The following CSMD1 variants were observed in gnomAD, a reference collection of about 807,000 sequenced individuals.
The protein encoded by CSMD1 is CUB and Sushi multiple domains 1.
Under a neutral mutation model 417.5 loss-of-function variants are expected in CSMD1, and 213 were observed. The observed-to-expected ratio is 0.51, with a 90% CI of 0.46 to 0.57. CSMD1 has a LOEUF of 0.57. CSMD1 is among the 20% of genes least tolerant of loss of function. The probability of loss-of-function intolerance (pLI) is 0.00; values close to 1 mark genes in which losing one functional copy is unlikely to be tolerated. For synonymous variants in CSMD1, 2,862 were observed against 1,736.8 expected, an observed-to-expected ratio of 1.65 and a Z score of -16.11; for missense variants, 6,923 against 4,529.7, an observed-to-expected ratio of 1.53 and a Z score of -15.17.
intron 69 of CSMD1, among the ~76,000 whole-genome samples, chr8:2,940,625 G>T (rs650334): frequency 0.011 from 1,671 of 152,298 alleles, 26 homozygotes; most frequent in African/African-American, 0.038. Flanking sequence ...ACTAAAACTG[G>T]TGTGTATGTT....
chr8:4,649,499 C>T (rs1287969488), intron 1 of CSMD1, among the ~76,000 whole-genome samples: 3 of 152,276 alleles, frequency 2.0e-5, no homozygotes, highest in African/African-American at 4.8e-5. Context: ...GGTATAAACC[C>T]ACGTGAGTAG....
intron 1 of CSMD1, among the ~76,000 whole-genome samples, chr8:4,715,221 T>C (rs1008333844): frequency 2.0e-5 from 3 of 152,200 alleles, no homozygotes; most frequent in African/African-American, 7.2e-5. Context: ...TGTCTGAGTG[T>C]TTTTATGAAT....
chr8:4,424,263 C>G (rs1272636886), intron 2 of CSMD1, among the ~76,000 whole-genome samples: 2 of 151,878 alleles, frequency 1.3e-5, no homozygotes, highest in African/African-American at 4.8e-5. Context: ...ATGCTGCAGA[C>G]TGGGAAAACA....
intron 1 of CSMD1, among the ~76,000 whole-genome samples, chr8:4,702,109 G>T (rs1807597019): frequency 6.6e-6 from 1 of 152,156 alleles, no homozygotes; most frequent in South Asian, 2.1e-4. Context: ...AGCCTGTCAG[G>T]GATGAGGTGG....
At chr8:3,661,513 T>A (rs931964630) in intron 7 of CSMD1, among the ~76,000 whole-genome samples, 1 of 152,076 alleles carries the variant, frequency 6.6e-6, no homozygotes, top group Non-Finnish European at 1.5e-5. Flanking sequence ...TTTTTCTTTT[T>A]TGAGACTGAG....
intron 2 of CSMD1, among the ~76,000 whole-genome samples, chr8:4,433,523 C>A (rs530335784): frequency 5.3e-5 from 8 of 152,150 alleles, no homozygotes; most frequent in African/African-American, 1.4e-4. Context: ...AGCCCCAGAT[C>A]CCCCTGCCGG....
intron 7 of CSMD1, among the ~76,000 whole-genome samples, chr8:3,704,044 C>G (rs923951630): frequency 7.9e-5 from 12 of 152,156 alleles, no homozygotes; most frequent in African/African-American, 2.9e-4. Flanking sequence ...GCACTCCAAC[C>G]TGGGTGTCAG....
chr8:4,327,131 C>A (rs1799604429), intron 3 of CSMD1, among the ~76,000 whole-genome samples: 1 of 152,122 alleles, frequency 6.6e-6, no homozygotes. Context: ...TATCTGTTAT[C>A]ATTGACAAGG....
At chr8:3,473,455 T>C (rs954197131) in intron 11 of CSMD1, among the ~76,000 whole-genome samples, 1 of 152,212 alleles carries the variant, frequency 6.6e-6, no homozygotes, top group Non-Finnish European at 1.5e-5. Flanking sequence ...TATGTTATTT[T>C]ATAATTATTT....
intron 12 of CSMD1, among the ~76,000 whole-genome samples, chr8:3,452,391 T>C (rs1248377094): frequency 6.6e-6 from 1 of 152,224 alleles, no homozygotes; most frequent in Admixed American, 6.5e-5. Flanking sequence ...TCCTGTCTTG[T>C]GCCAGTTTTG....
intron 1 of CSMD1, among the ~76,000 whole-genome samples, chr8:4,732,423 T>A (rs1809960922): frequency 6.6e-6 from 1 of 150,480 alleles, no homozygotes; most frequent in Non-Finnish European, 1.5e-5. Flanking sequence ...ACATGCAGAA[T>A]CCAAGCATTT....
intron 3 of CSMD1, among the ~76,000 whole-genome samples, chr8:4,280,728 T>C (rs959384044): frequency 2.6e-5 from 4 of 152,226 alleles, no homozygotes; most frequent in African/African-American, 7.2e-5. Flanking sequence ...GCCATAAATA[T>C]AATTGTACTT....
rs549568871 is a variant in CSMD1 at position 4,421,192 on chromosome 8, C to T, written c.303-1127G>A. The stretch of plus-strand genomic sequence containing the variant: ...CACTGCTTTGTACTTTATGTGTTAG[C>T]GAACGCAATACAGAAGACAAGTCAG... On this transcript the variant is annotated intron_variant, in intron 2 of 69. Coordinates refer to ENST00000635120, the MANE Select transcript of CSMD1 (RefSeq NM_033225.6). Among the ~76,000 whole-genome samples the T allele has an allele frequency of 3.3e-5, 5 of 152,106 alleles. No individual in the cohort carries two copies. In the South Asian group the frequency reaches 1.0e-3, roughly 31 times the overall value.
At chr8:4,796,678 G>A (rs577389929) in intron 1 of CSMD1, among the ~76,000 whole-genome samples, 4 of 152,146 alleles carry the variant, frequency 2.6e-5, no homozygotes, top group African/African-American at 4.8e-5. Context: ...CCAACTCAAC[G>A]TGGTGGACTC....
At chr8:4,528,992 G>A (rs1018509386) in intron 2 of CSMD1, among the ~76,000 whole-genome samples, 1 of 152,106 alleles carries the variant, frequency 6.6e-6, no homozygotes, top group African/African-American at 2.4e-5. Context: ...ATTAACAAAA[G>A]GTGACGTTTG....
rs113317175 is a variant in CSMD1 at position 4,920,511 on chromosome 8, G to T, written c.85+73821C>A. On this transcript the variant is annotated intron_variant, in intron 1 of 69. Coordinates refer to ENST00000635120, the MANE Select transcript of CSMD1 (RefSeq NM_033225.6). ...CAGGAATCAAGGATTTAGTTACTGG[G>T]GACCTGTCCTCAGAAATTACAATGG... Among the ~76,000 whole-genome samples, 573 of 152,158 alleles carry T rather than the reference G, an allele frequency of 3.8e-3. 4 individuals are homozygous for T. The highest frequency in any genetic ancestry group is 0.013 in the African/African-American group (558 of 41,516).
At chr8:4,929,600 T>A (rs1807102113) in intron 1 of CSMD1, among the ~76,000 whole-genome samples, 1 of 152,230 alleles carries the variant, frequency 6.6e-6, no homozygotes, top group Non-Finnish European at 1.5e-5. Context: ...TCCATTTGTC[T>A]ACAAATGATT....
chr8:4,650,007 T>G (rs1803783181), intron 1 of CSMD1, among the ~76,000 whole-genome samples: 1 of 152,194 alleles, frequency 6.6e-6, no homozygotes, highest in African/African-American at 2.4e-5. Flanking sequence ...AGAACTTGAT[T>G]GATATTAGAA....
chr8:4,618,941 T>C (rs1407517074), intron 2 of CSMD1, among the ~76,000 whole-genome samples: 1 of 152,092 alleles, frequency 6.6e-6, no homozygotes, highest in Non-Finnish European at 1.5e-5. Context: ...CAATAACAAA[T>C]CCATATTTTA....
Sources: gnomAD v4.1 joint callset for allele counts (sites outside exome capture counted in the v4.1 genomes callset) on GRCh38, gnomAD v4.1.1 for gene constraint, MANE v1.5 for transcripts, NCBI Gene and HGNC (gene_info 2026-07-23, HGNC 2026-07-21) for gene names.